The following GAS2 variants were observed in gnomAD, a reference collection of about 807,000 sequenced individuals.
GAS2 encodes growth arrest-specific protein 2.
Under a neutral mutation model 37.5 loss-of-function variants are expected in GAS2, and 20 were observed. That is an observed-to-expected ratio of 0.53 (90% CI 0.37 to 0.77). The LOEUF (loss-of-function observed/expected upper bound fraction) is 0.77, where lower values mean the gene tolerates loss of function less well. GAS2 is among the 30% of genes least tolerant of loss of function. GAS2 has a pLI of 0.00. For missense variants in GAS2, 336 were observed against 373.4 expected (o/e 0.90, Z 0.82); for synonymous variants, 144 against 132.2 (o/e 1.09, Z -0.61).
At chr11:22,687,382 C>G (rs1450550896) in intron 3 of GAS2, among the ~76,000 whole-genome samples, 2 of 152,130 alleles carry the variant, frequency 1.3e-5, no homozygotes, top group African/African-American at 2.4e-5. Flanking sequence ...CCTGAACATT[C>G]TGATTTAATC....
At chr11:22,733,532 A>G (rs1852591907) in intron 4 of GAS2, among the ~76,000 whole-genome samples, 2 of 151,716 alleles carry the variant, frequency 1.3e-5, no homozygotes, top group South Asian at 4.1e-4. Flanking sequence ...ACTAAACTAT[A>G]CATTCATGGT....
At chr11:22,775,883 G>A (rs1317072788) in intron 7 of GAS2, among the ~76,000 whole-genome samples, 1 of 152,048 alleles carries the variant, frequency 6.6e-6, no homozygotes, top group African/African-American at 2.4e-5. Context: ...AAAATATAGA[G>A]CTCTGCCCAC....
At chr11:22,667,838 C>T (rs997387286) in intron 1 of GAS2, among the ~76,000 whole-genome samples, 3 of 152,008 alleles carry the variant, frequency 2.0e-5, no homozygotes, top group African/African-American at 7.3e-5. Context: ...CAGTCTTTAC[C>T]CTCTCCATCT....
chr11:22,643,481 A>G (rs916972098), intron 1 of GAS2, among the ~76,000 whole-genome samples: 4 of 150,932 alleles, frequency 2.7e-5, no homozygotes, highest in African/African-American at 7.3e-5. Flanking sequence ...AAAACGATAT[A>G]GAAGGGACAA....
At chr11:22,707,443 A>G (rs1228254452) in intron 3 of GAS2, among the ~76,000 whole-genome samples, 2 of 152,206 alleles carry the variant, frequency 1.3e-5, no homozygotes, top group African/African-American at 4.8e-5. Context: ...TAAGCTGTTA[A>G]GATCCATACT....
chr11:22,760,780 T>C (rs1310837574), intron 7 of GAS2, among the ~76,000 whole-genome samples: 1 of 152,232 alleles, frequency 6.6e-6, no homozygotes, highest in Non-Finnish European at 1.5e-5. Context: ...ATTTTTTTTC[T>C]GTTCTTCAAA....
chr11:22,740,284 T>A (rs1853002190), intron 5 of GAS2, among the ~76,000 whole-genome samples: 1 of 152,174 alleles, frequency 6.6e-6, no homozygotes, highest in South Asian at 2.1e-4. Flanking sequence ...CCATGATTCA[T>A]TTCCACGCAA....
At chr11:22,684,892 A>G (rs1006343061) in intron 2 of GAS2, among the ~76,000 whole-genome samples, 2 of 152,224 alleles carry the variant, frequency 1.3e-5, no homozygotes, top group African/African-American at 4.8e-5. Flanking sequence ...TTTAATCAGG[A>G]AAACCATTTC....
intron 3 of GAS2, among the ~76,000 whole-genome samples, chr11:22,719,476 C>T (rs889499407): frequency 1.3e-5 from 2 of 152,082 alleles, no homozygotes; most frequent in African/African-American, 2.4e-5. Context: ...ATTGAACCTA[C>T]ATTAACACAT....
chr11:22,694,522 C>A (rs1053895189), intron 3 of GAS2, among the ~76,000 whole-genome samples: 2 of 152,124 alleles, frequency 1.3e-5, no homozygotes, highest in African/African-American at 4.8e-5. Context: ...CACTGAGTGA[C>A]ATAGTGAAAA....
chr11:22,725,244 A>G (rs1213365552), intron 3 of GAS2, among the ~76,000 whole-genome samples: 1 of 152,076 alleles, frequency 6.6e-6, no homozygotes. Context: ...TGGTTAACAG[A>G]AAAGTCTATC....
At chr11:22,756,503 G>T (rs1036567596) in intron 7 of GAS2, among the ~76,000 whole-genome samples, 1 of 151,944 alleles carries the variant, frequency 6.6e-6, no homozygotes. Flanking sequence ...ATTTGAATAC[G>T]TACATCTAGT....
At chr11:22,714,940 C>G (rs947861359) in intron 3 of GAS2, among the ~76,000 whole-genome samples, 2 of 152,124 alleles carry the variant, frequency 1.3e-5, no homozygotes, top group African/African-American at 4.8e-5. Context: ...AATCTATGCT[C>G]ACACCTCAAG....
chr11:22,714,028 A>T (rs937274954), intron 3 of GAS2, among the ~76,000 whole-genome samples: 1 of 152,194 alleles, frequency 6.6e-6, no homozygotes, highest in East Asian at 1.9e-4. Flanking sequence ...ACTATGTCAC[A>T]TCTGAATACT....
upstream of GAS2, among the ~76,000 whole-genome samples, chr11:22,663,542 G>GA (rs1377256563): frequency 2.6e-5 from 4 of 152,108 alleles, no homozygotes; most frequent in South Asian, 6.2e-4. Context: ...CAATTTGCCA[G>GA]AAAAAAATGA....
At chr11:22,757,334 C>A (rs998695369) in intron 7 of GAS2, among the ~76,000 whole-genome samples, 2 of 151,886 alleles carry the variant, frequency 1.3e-5, no homozygotes, top group African/African-American at 2.4e-5. Context: ...TTTGATATTC[C>A]ATTTTTCTTT....
chr11:22,627,436 C>T (rs117706878), intron 1 of GAS2, among the ~76,000 whole-genome samples: 2,063 of 152,190 alleles, frequency 0.014, 40 homozygotes, highest in East Asian at 0.077. Flanking sequence ...AGTGGGGTCA[C>T]CAAGTCTTAG....
chr11:22,761,798 C>T (rs1854407062), intron 7 of GAS2, among the ~76,000 whole-genome samples: 1 of 152,108 alleles, frequency 6.6e-6, no homozygotes, highest in Non-Finnish European at 1.5e-5. Context: ...GGTTGAGTAA[C>T]TTCTCAAAGT....
At chr11:22,744,431 A>G (rs374850212) in intron 5 of GAS2, among the ~76,000 whole-genome samples, 2 of 152,204 alleles carry the variant, frequency 1.3e-5, no homozygotes, top group African/African-American at 4.8e-5. Flanking sequence ...TTAACAGCAC[A>G]TCGAAAAGTT....
Sources: gnomAD v4.1 joint callset for allele counts (sites outside exome capture counted in the v4.1 genomes callset) on GRCh38, gnomAD v4.1.1 for gene constraint, MANE v1.5 for transcripts, NCBI Gene and HGNC (gene_info 2026-07-23, HGNC 2026-07-21) for gene names.